Variants in TRIM2 observed in about 807,000 individuals in gnomAD.
TRIM2 encodes the protein tripartite motif containing 2.
Under a neutral mutation model 75.2 loss-of-function variants are expected in TRIM2, and 20 were observed. The ratio of observed to expected loss-of-function variants is 0.27; its 90% CI spans 0.19 to 0.39. The LOEUF (loss-of-function observed/expected upper bound fraction) is 0.39. Ranked by LOEUF, TRIM2 falls within the 10% of genes least tolerant of loss-of-function variation. TRIM2 has a pLI of 1.00. For missense variants in TRIM2, 660 were observed against 990.8 expected (o/e 0.67, Z 4.48); for synonymous variants, 373 against 388.3 (o/e 0.96, Z 0.46).
chr4:153,235,900 T>C (rs1578787056), intron 1 of TRIM2, among the ~76,000 whole-genome samples: 1 of 152,146 alleles, frequency 6.6e-6, no homozygotes, highest in East Asian at 1.9e-4. Context: ...ATCAGAATTC[T>C]TGACCACCTA....
intron 2 of TRIM2, among the ~76,000 whole-genome samples, chr4:153,271,165 A>G (rs1292603856): frequency 1.3e-5 from 2 of 152,194 alleles, no homozygotes; most frequent in African/African-American, 2.4e-5. Flanking sequence ...TTAACTTACC[A>G]TGTAAGCAAT....
upstream of TRIM2, among the ~76,000 whole-genome samples, chr4:153,200,810 CTTATTATTG>C (rs1734278989): frequency 8.1e-6 from 1 of 123,674 alleles, no homozygotes; most frequent in African/African-American, 3.1e-5. Flanking sequence ...TTTTTTTTTC[CTTATTATTG>C]TTATTATTTT....
At chr4:153,223,841 G>T (rs555270884) in intron 1 of TRIM2, among the ~76,000 whole-genome samples, 17 of 152,286 alleles carry the variant, frequency 1.1e-4, no homozygotes, top group Non-Finnish European at 2.4e-4. Context: ...GTTAATTTTA[G>T]AGCACTTAGA....
intron 10 of TRIM2, among the ~76,000 whole-genome samples, 163 bp from the exon 11 acceptor site, chr4:153,328,367 A>T (rs1230665883): frequency 6.6e-6 from 1 of 152,350 alleles, no homozygotes; most frequent in East Asian, 1.9e-4. Context: ...GGGAACCACA[A>T]TGATATGCAG....
At chr4:153,192,592 G>C (rs1424732544) in intron 1 of TRIM2, among the ~76,000 whole-genome samples, 2 of 115,772 alleles carry the variant, frequency 1.7e-5, no homozygotes, top group African/African-American at 7.1e-5. Flanking sequence ...GAGTGACAGA[G>C]ACCCTATCTC....
chr4:153,297,081 C>G (rs1456207565), intron 6 of TRIM2, among the ~76,000 whole-genome samples: 1 of 152,190 alleles, frequency 6.6e-6, no homozygotes, highest in Non-Finnish European at 1.5e-5. Flanking sequence ...GGCAGCACAT[C>G]CAAACTTCCA....
chr4:153,265,353 T>A (rs1016007909), intron 1 of TRIM2, among the ~76,000 whole-genome samples: 2 of 149,630 alleles, frequency 1.3e-5, no homozygotes, highest in African/African-American at 4.9e-5. Context: ...TTTTTGTTAT[T>A]TTTTTTTTTA....
At chr4:153,278,704 TAGG>T (rs1400511314) in intron 3 of TRIM2, among the ~76,000 whole-genome samples, 7 of 151,082 alleles carry the variant, frequency 4.6e-5, no homozygotes, top group African/African-American at 1.7e-4. Context: ...GAGGCTGAGG[TAGG>T]AGGATCCTGT....
chr4:153,269,789 G>A lies in TRIM2; in HGVS notation c.31-546G>A, dbSNP rs976404173. 1.2e-4 allele frequency among the ~76,000 whole-genome samples: 18 copies of A among 152,246 alleles called. No homozygotes were observed. The East Asian group carries it at 3.5e-3, about 29-fold the overall frequency. ...CTCTTTTAATTTGTTTTGTTTGCCT[G>A]GCGAACATGTGAGGATTTTATTGAT... On this transcript the variant is annotated intron_variant, in intron 1 of 11. Transcript: ENST00000338700.
At chr4:153,257,449 G>C in intron 1 of TRIM2, 1 of 1,231,304 alleles carries the variant, frequency 8.1e-7, no homozygotes, top group Non-Finnish European at 1.0e-6. Flanking sequence ...AATACTGAAG[G>C]GGGTCTTCCA....
At chr4:153,247,677 CAAA>C (rs1183914263) in intron 1 of TRIM2, among the ~76,000 whole-genome samples, 19,805 of 78,566 alleles carry the variant, frequency 0.25, 1,283 homozygotes, top group African/African-American at 0.38. Flanking sequence ...GACTCTGTCT[CAAA>C]AAAAAAAAAA....
At chr4:153,333,492 T>A (rs1771950306) in intron 11 of TRIM2, among the ~76,000 whole-genome samples, 1 of 152,220 alleles carries the variant, frequency 6.6e-6, no homozygotes, top group Admixed American at 6.5e-5. Context: ...ATAGAAGATG[T>A]GACCATTGGA....
At position 153,171,652 on chromosome 4, in the gene TRIM2, AG is replaced by A. The variant is rs1219585981; in HGVS notation, c.-49+18383del. 3.2e-4 allele frequency among the ~76,000 whole-genome samples: 14 copies of A among 43,312 alleles called. No homozygotes were observed. In the South Asian group the frequency reaches 6.7e-3, roughly 21 times the overall value. 28.4% of individuals were successfully genotyped at this position (43,312 alleles called of 152,430 possible). A position where few individuals can be genotyped will look rare whatever the true frequency, so the allele number is the denominator to read the frequency against. Reference sequence around the variant, plus strand: ...GGATTGGTTAATGGAAAAAAAAGATAGTACGTCCTGGTTTAAGGGCTTCAGT... The same window carrying A: ...GGATTGGTTAATGGAAAAAAAAGATATACGTCCTGGTTTAAGGGCTTCAGT... On this transcript the variant is annotated intron_variant, in intron 1 of 11. Coordinates refer to the TRIM2 transcript ENST00000437508.
intron 3 of TRIM2, among the ~76,000 whole-genome samples, chr4:153,291,084 T>C (rs1366071064): frequency 6.6e-6 from 1 of 152,228 alleles, no homozygotes; most frequent in Non-Finnish European, 1.5e-5. Flanking sequence ...AAAGTGTCTT[T>C]CTAAACCTCT....
chr4:153,252,698 CG>C (rs1751158449), intron 1 of TRIM2, among the ~76,000 whole-genome samples: 1 of 152,092 alleles, frequency 6.6e-6, no homozygotes, highest in Non-Finnish European at 1.5e-5. Flanking sequence ...TTATTAGTGA[CG>C]GGGTTTCACT....
At chr4:153,325,875 A>G (rs1029289752) in intron 10 of TRIM2, among the ~76,000 whole-genome samples, 2 of 152,252 alleles carry the variant, frequency 1.3e-5, no homozygotes, top group Admixed American at 1.3e-4. Context: ...CCTATTTACC[A>G]GTCCTGGCTG....
chr4:153,307,889 C>G (rs141207488), intron 6 of TRIM2: 2 of 748,294 alleles, frequency 2.7e-6, no homozygotes, highest in Non-Finnish European at 5.0e-6. Context: ...TGTGGGAGAC[C>G]ATGATTCTGA....
chr4:153,189,528 A>G (rs1284730417), intron 1 of TRIM2, among the ~76,000 whole-genome samples: 1 of 152,106 alleles, frequency 6.6e-6, no homozygotes, highest in East Asian at 1.9e-4. Flanking sequence ...AGGCACTAGA[A>G]TGGGGATTAT....
At chr4:153,211,505 TG>T (rs1737001619) in intron 1 of TRIM2, among the ~76,000 whole-genome samples, 1 of 149,758 alleles carries the variant, frequency 6.7e-6, no homozygotes, top group East Asian at 1.9e-4. Flanking sequence ...TTTTTTTTTT[TG>T]AGACAGGGTT....
Sources: allele counts gnomAD v4.1 joint callset (sites outside exome capture counted in the v4.1 genomes callset), GRCh38; gene constraint gnomAD v4.1.1; transcripts MANE v1.5; gene names NCBI Gene and HGNC (gene_info 2026-07-23, HGNC 2026-07-21).